TMEM132B: variants seen among roughly 807,000 people sequenced by gnomAD.
The protein encoded by TMEM132B is transmembrane protein 132B.
Under a neutral mutation model 90.8 loss-of-function variants are expected in TMEM132B, and 18 were observed. That is an observed-to-expected ratio of 0.20 (90% CI 0.14 to 0.29). The LOEUF (loss-of-function observed/expected upper bound fraction) is 0.29, where lower values mean the gene tolerates loss of function less well. Among genes scored for constraint, TMEM132B ranks in the 10% least tolerant of loss-of-function variants. The probability of loss-of-function intolerance (pLI) is 1.00; values close to 1 mark genes in which losing one functional copy is unlikely to be tolerated. For synonymous variants in TMEM132B, 504 were observed against 523.3 expected (o/e 0.96, Z 0.50); for missense variants, 1,096 against 1,326.8 (o/e 0.83, Z 2.70).
At chr12:125,561,375 G>T (rs953152262) in intron 4 of TMEM132B, among the ~76,000 whole-genome samples, 6 of 150,742 alleles carry the variant, frequency 4.0e-5, no homozygotes, top group African/African-American at 4.9e-5. Context: ...CTGTCAGGGG[G>T]TAGGGGGCTA....
chr12:125,188,962 G>A (rs879534884), intron 1 of TMEM132B, among the ~76,000 whole-genome samples: 1 of 152,068 alleles, frequency 6.6e-6, no homozygotes, highest in African/African-American at 2.4e-5. Flanking sequence ...CTTCAGGGCT[G>A]GTTGGATTTT....
chr12:125,511,152 A>T (rs10846910), intron 3 of TMEM132B, among the ~76,000 whole-genome samples: 79,388 of 152,114 alleles, frequency 0.52, 21,360 homozygotes, highest in Middle Eastern at 0.76. Flanking sequence ...CAATGGAGTC[A>T]TATATCCTCT....
intron 2 of TMEM132B, among the ~76,000 whole-genome samples, chr12:125,361,834 A>G (rs7135679): frequency 0.012 from 1,890 of 152,352 alleles, 44 homozygotes; most frequent in African/African-American, 0.042. Flanking sequence ...GGTAAGAAGT[A>G]AGTGTAAATT....
intron 1 of TMEM132B, among the ~76,000 whole-genome samples, chr12:125,190,099 C>T (rs998328618): frequency 2.6e-5 from 4 of 152,132 alleles, no homozygotes; most frequent in African/African-American, 4.8e-5. Context: ...CAGCAGCCCC[C>T]GGCAGATGGG....
At chr12:125,633,875 C>A (rs1299629372) in intron 5 of TMEM132B, among the ~76,000 whole-genome samples, 1 of 152,198 alleles carries the variant, frequency 6.6e-6, no homozygotes, top group Non-Finnish European at 1.5e-5. Context: ...TGGATCAGAC[C>A]TGAAGCCAGC....
chr12:125,636,543 T>A (rs950497313), intron 5 of TMEM132B, among the ~76,000 whole-genome samples: 2 of 152,200 alleles, frequency 1.3e-5, no homozygotes, highest in African/African-American at 2.4e-5. Context: ...GCCTCTAGTG[T>A]ATGGCTTTCA....
chr12:125,609,704 C>A (rs1434455364), intron 5 of TMEM132B, among the ~76,000 whole-genome samples: 1 of 150,898 alleles, frequency 6.6e-6, no homozygotes. Context: ...GTAGTCCCAG[C>A]CACTTGGGAG....
chr12:125,329,344 A>G (rs536960450), intron 1 of TMEM132B, among the ~76,000 whole-genome samples: 1 of 152,324 alleles, frequency 6.6e-6, no homozygotes, highest in African/African-American at 2.4e-5. Flanking sequence ...GGCCAAGCTG[A>G]CTTAGACAAA....
At chr12:125,599,122 G>A (rs2136914661) in intron 5 of TMEM132B, among the ~76,000 whole-genome samples, 1 of 152,288 alleles carries the variant, frequency 6.6e-6, no homozygotes, top group Admixed American at 6.5e-5. Context: ...TCATAGGAGG[G>A]ACCTAGTGGG....
intron 1 of TMEM132B, among the ~76,000 whole-genome samples, chr12:125,201,198 G>A (rs1440375520): frequency 1.3e-5 from 2 of 152,154 alleles, no homozygotes; most frequent in Admixed American, 6.5e-5. Context: ...TATTGGGGGA[G>A]GAGGTGTCGG....
chr12:125,244,123 A>G (rs1324632697), intron 1 of TMEM132B, among the ~76,000 whole-genome samples: 1 of 152,128 alleles, frequency 6.6e-6, no homozygotes, highest in Non-Finnish European at 1.5e-5. Flanking sequence ...ATCATATTCT[A>G]TTGTATGAAT....
At chr12:125,567,848 G>A (rs1200920744) in intron 4 of TMEM132B, among the ~76,000 whole-genome samples, 1 of 152,144 alleles carries the variant, frequency 6.6e-6, no homozygotes, top group Non-Finnish European at 1.5e-5. Flanking sequence ...AATTGAAGGA[G>A]TGCTAGTATA....
At chr12:125,623,781 A>G (rs1427803255) in intron 5 of TMEM132B, among the ~76,000 whole-genome samples, 1 of 152,218 alleles carries the variant, frequency 6.6e-6, no homozygotes, top group Non-Finnish European at 1.5e-5. Flanking sequence ...TTGTGTCCCC[A>G]GAGTCCTGCT....
At chr12:125,393,949 G>A (rs1435342892) in intron 2 of TMEM132B, among the ~76,000 whole-genome samples, 3 of 152,168 alleles carry the variant, frequency 2.0e-5, no homozygotes, top group Non-Finnish European at 4.4e-5. Context: ...GAGAGAGGAC[G>A]AAGGAGCCTC....
chr12:125,604,701 G>C (rs1593017435), intron 5 of TMEM132B, among the ~76,000 whole-genome samples: 1 of 152,346 alleles, frequency 6.6e-6, no homozygotes, highest in East Asian at 1.9e-4. Flanking sequence ...CTTGGATGTG[G>C]TGGAGCATAT....
chr12:125,659,946 C>G lies in TMEM132B; in HGVS notation c.*5236C>G, dbSNP rs1265333424. ...AACTGTTTTGCACTAACAGCTTCCT[C>G]CTTGTCTTTTCCCTGGGAACATGGG... On this transcript the variant is annotated 3_prime_UTR_variant, in exon 9 of 9. Transcript: ENST00000682704. 6.6e-6 allele frequency: 1 copy of G among 152,278 alleles called. No individual in the cohort carries two copies. The highest frequency in any genetic ancestry group is 2.4e-5 in the African/African-American group (1 of 41,462). 9.4% of individuals were successfully genotyped at this position (152,278 alleles called of 1,614,324 possible).
At chr12:125,218,088 C>T (rs1457979404) in intron 1 of TMEM132B, among the ~76,000 whole-genome samples, 2 of 152,002 alleles carry the variant, frequency 1.3e-5, no homozygotes, top group East Asian at 3.9e-4. Context: ...CAAGTGTGGA[C>T]AAGAGAACAA....
intron 5 of TMEM132B, among the ~76,000 whole-genome samples, chr12:125,630,793 A>G (rs1420381866): frequency 4.6e-5 from 7 of 152,028 alleles, no homozygotes; most frequent in African/African-American, 1.4e-4. Context: ...CTTTGCGTAC[A>G]TAAGTTCTCA....
Position 125,488,691 on chromosome 12 carries a change from A to T in TMEM132B, c.1107-30748A>T, listed in dbSNP as rs1354098174. On this transcript the variant is annotated intron_variant, in intron 3 of 8. Coordinates refer to ENST00000682704, the MANE Select transcript of TMEM132B (RefSeq NM_001366854.1). ...AACCTCTTTTTCTTCCCAGTCTTAG[A>T]TATGTCTTTATCAGCAGCATGAAAA... is the stretch of plus-strand genomic sequence containing the variant. Among the ~76,000 whole-genome samples, 3 of 152,162 alleles carry T rather than the reference A, an allele frequency of 2.0e-5. No individual in the cohort carries two copies. The South Asian group carries it at 6.2e-4, about 31-fold the overall frequency.
Sources: gnomAD v4.1 joint callset for allele counts (sites outside exome capture counted in the v4.1 genomes callset) on GRCh38, gnomAD v4.1.1 for gene constraint, MANE v1.5 for transcripts, NCBI Gene and HGNC (gene_info 2026-07-23, HGNC 2026-07-21) for gene names.